LRRTM4: variants seen among roughly 807,000 people sequenced by gnomAD.
LRRTM4 encodes leucine-rich repeat transmembrane neuronal protein 4.
In LRRTM4, 25 loss-of-function variants were observed where a neutral mutation model predicts 47.6. That is an observed-to-expected ratio of 0.53 (90% CI 0.38 to 0.73). The LOEUF (loss-of-function observed/expected upper bound fraction) is 0.73, where lower values mean the gene tolerates loss of function less well. LRRTM4 is among the 30% of genes least tolerant of loss of function. The pLI is 0.00. For missense variants in LRRTM4, 638 were observed against 713.4 expected, an observed-to-expected ratio of 0.89 and a Z score of 1.20; for synonymous variants, 311 against 269.5, an observed-to-expected ratio of 1.15 and a Z score of -1.51.
At chr2:77,154,056 T>C (rs2103791275) in intron 3 of LRRTM4, among the ~76,000 whole-genome samples, 1 of 152,324 alleles carries the variant, frequency 6.6e-6, no homozygotes, top group South Asian at 2.1e-4. Flanking sequence ...AGAAGTCTAA[T>C]CAATGTCCAT....
At chr2:77,285,324 C>A (rs1339254087) in intron 3 of LRRTM4, among the ~76,000 whole-genome samples, 9 of 39,188 alleles carry the variant, frequency 2.3e-4, no homozygotes, top group Non-Finnish European at 4.5e-4. Context: ...TAAATTAATT[C>A]TACTCAGCAT....
At chr2:76,758,336 C>CCT (rs991164323) in intron 3 of LRRTM4, among the ~76,000 whole-genome samples, 18 of 152,092 alleles carry the variant, frequency 1.2e-4, no homozygotes, top group Non-Finnish European at 2.2e-4. Flanking sequence ...CTATCCTGTA[C>CCT]CTCTGTAAAG....
chr2:77,106,092 C>T (rs1295670177), intron 3 of LRRTM4, among the ~76,000 whole-genome samples: 1 of 152,098 alleles, frequency 6.6e-6, no homozygotes, highest in Admixed American at 6.6e-5. Context: ...AGCAGGCTGC[C>T]TTCTTTTGAT....
intron 3 of LRRTM4, among the ~76,000 whole-genome samples, chr2:77,438,143 C>T (rs1675676458): frequency 6.6e-6 from 1 of 151,888 alleles, no homozygotes; most frequent in African/African-American, 2.4e-5. Context: ...AACCACATTG[C>T]CAAACTATGA....
intron 3 of LRRTM4, among the ~76,000 whole-genome samples, chr2:77,032,670 T>C (rs958319113): frequency 5.9e-5 from 9 of 152,280 alleles, no homozygotes; most frequent in African/African-American, 1.9e-4. Flanking sequence ...ATATGTTTTA[T>C]AGTCATAGAC....
chr2:77,298,225 A>G (rs1196394971), intron 3 of LRRTM4, among the ~76,000 whole-genome samples: 4 of 152,126 alleles, frequency 2.6e-5, no homozygotes, highest in Non-Finnish European at 5.9e-5. Flanking sequence ...GACAACCACT[A>G]AAGGAACTTT....
In LRRTM4 at chr2:77,222,788, G is replaced by T. The variant is rs535513841; in HGVS notation, c.1551+295530C>A. ...AATTCTACCAGAGGTAGAAGGAGGA[G>T]CTGGTACTATTCCTTCTGAAACTAT... On this transcript the variant is annotated intron_variant, in intron 3 of 3. Coordinates refer to ENST00000409884, the MANE Select transcript of LRRTM4 (RefSeq NM_001134745.3). Among the ~76,000 whole-genome samples the T allele has an allele frequency of 9.7e-4, 148 of 152,248 alleles. 2 individuals carry two copies. Among genetic ancestry groups the T allele is most frequent in the African/African-American group, 3.2e-3 (134 of 41,568 alleles).
intron 3 of LRRTM4, among the ~76,000 whole-genome samples, chr2:77,050,721 T>C (rs1053406569): frequency 1.3e-5 from 2 of 152,160 alleles, no homozygotes; most frequent in Non-Finnish European, 2.9e-5. Context: ...AGCTGTGTGA[T>C]CTTGGCATTA....
At chr2:76,825,170 ATAAAGAGGAT>A (rs1169120312) in intron 3 of LRRTM4, among the ~76,000 whole-genome samples, 1 of 151,620 alleles carries the variant, frequency 6.6e-6, no homozygotes, top group African/African-American at 2.4e-5. Context: ...ATGGAAGGAA[ATAAAGAGGAT>A]TAAAAAGGAA....
chr2:76,763,666 T>C (rs1161483161), intron 3 of LRRTM4, among the ~76,000 whole-genome samples: 1 of 152,060 alleles, frequency 6.6e-6, no homozygotes, highest in Non-Finnish European at 1.5e-5. Context: ...TAGCTAAAAA[T>C]GTAGGCATGG....
chr2:77,107,783 A>T (rs114578774), intron 3 of LRRTM4, among the ~76,000 whole-genome samples: 16,938 of 145,140 alleles, frequency 0.12, 1,223 homozygotes, highest in East Asian at 0.17. Flanking sequence ...ACACAGTTGC[A>T]CTCCAGTCTG....
intron 3 of LRRTM4, among the ~76,000 whole-genome samples, chr2:76,758,364 T>C (rs931097479): frequency 6.6e-6 from 1 of 152,102 alleles, no homozygotes; most frequent in African/African-American, 2.4e-5. Flanking sequence ...GCATATCCCA[T>C]GGTAAAAGTT....
At chr2:76,827,822 A>G (rs1671230236) in intron 3 of LRRTM4, among the ~76,000 whole-genome samples, 1 of 151,836 alleles carries the variant, frequency 6.6e-6, no homozygotes, top group Non-Finnish European at 1.5e-5. Flanking sequence ...TTTTAAAGCT[A>G]TTTCTTCTAG....
chr2:76,774,723 A>G (rs1236316428), intron 3 of LRRTM4, among the ~76,000 whole-genome samples: 2 of 152,190 alleles, frequency 1.3e-5, no homozygotes, highest in Non-Finnish European at 2.9e-5. Context: ...GTGTAACTTT[A>G]TGGAAACACA....
intron 3 of LRRTM4, among the ~76,000 whole-genome samples, chr2:77,069,279 T>C (rs2103822044): frequency 6.6e-6 from 1 of 152,222 alleles, no homozygotes; most frequent in South Asian, 2.1e-4. Context: ...GAATAACATA[T>C]ATATTATGAA....
chr2:77,068,976 A>C (rs978213367), intron 3 of LRRTM4, among the ~76,000 whole-genome samples: 2 of 152,112 alleles, frequency 1.3e-5, no homozygotes, highest in Non-Finnish European at 2.9e-5. Context: ...CCTGCTGCAG[A>C]TATCTAGCCA....
intron 3 of LRRTM4, among the ~76,000 whole-genome samples, chr2:77,257,884 C>T (rs1675813112): frequency 6.6e-6 from 1 of 151,892 alleles, no homozygotes; most frequent in East Asian, 1.9e-4. Context: ...ATGAAGCAGT[C>T]GGGAGTTCGA....
chr2:77,393,511 A>G (rs1420556547), intron 3 of LRRTM4, among the ~76,000 whole-genome samples: 3 of 152,030 alleles, frequency 2.0e-5, no homozygotes, highest in Non-Finnish European at 4.4e-5. Context: ...TCACCAAACT[A>G]GAGAAGAAGG....
chr2:77,406,132 G>T (rs1002587320), intron 3 of LRRTM4, among the ~76,000 whole-genome samples: 1 of 152,052 alleles, frequency 6.6e-6, no homozygotes. Context: ...TCTTTCAGTG[G>T]TGGTAGTGGG....
Sources: gnomAD v4.1 joint callset for allele counts (sites outside exome capture counted in the v4.1 genomes callset) on GRCh38, gnomAD v4.1.1 for gene constraint, MANE v1.5 for transcripts, NCBI Gene and HGNC (gene_info 2026-07-23, HGNC 2026-07-21) for gene names.